GULP1: variants seen among roughly 807,000 people sequenced by gnomAD.
GULP1 encodes the protein PTB domain-containing engulfment adapter protein 1.
A neutral mutation model predicts 40.9 loss-of-function variants in GULP1; 19 were observed. That is an observed-to-expected ratio of 0.46 (90% CI 0.32 to 0.68). The LOEUF is 0.68. Among genes scored for constraint, GULP1 ranks in the 30% least tolerant of loss-of-function variants. The pLI is 0.03. For synonymous variants in GULP1, 119 were observed against 117.6 expected (o/e 1.01, Z -0.08); for missense variants, 312 against 362.2 (o/e 0.86, Z 1.12).
At chr2:188,487,393 G>C (rs1420084961) in intron 4 of GULP1, among the ~76,000 whole-genome samples, 1 of 151,996 alleles carries the variant, frequency 6.6e-6, no homozygotes, top group Non-Finnish European at 1.5e-5. Flanking sequence ...TTTGCATGAG[G>C]CAGCAGTAAA....
rs141799762 is a variant in GULP1, at chr2:188,296,515, A to G, written c.-172+4349A>G. 4.3e-3 allele frequency among the ~76,000 whole-genome samples: 662 copies of G among 152,200 alleles called. 5 individuals carry two copies. Among genetic ancestry groups the G allele is most frequent in the African/African-American group, 0.015 (625 of 41,556 alleles). On this transcript the variant is annotated intron_variant, in intron 1 of 11. Coordinates refer to ENST00000409830, the MANE Select transcript of GULP1 (RefSeq NM_016315.4). ...TAGTAAGTGTCAATTTTCTGTTTACATTGAAATGGTATAGTTATGGCGAAT... is the reference window on the plus strand; with the variant it reads ...TAGTAAGTGTCAATTTTCTGTTTACGTTGAAATGGTATAGTTATGGCGAAT...
intron 4 of GULP1, among the ~76,000 whole-genome samples, chr2:188,501,914 C>T (rs961306661): frequency 1.3e-4 from 19 of 151,950 alleles, no homozygotes; most frequent in African/African-American, 4.6e-4. Flanking sequence ...TGTCTCCCCT[C>T]CTCTCCCAGT....
chr2:188,463,830 G>C (rs937326433), intron 2 of GULP1, among the ~76,000 whole-genome samples: 1 of 151,786 alleles, frequency 6.6e-6, no homozygotes, highest in African/African-American at 2.4e-5. Flanking sequence ...GCATTTTTCA[G>C]CTCCAGAATT....
chr2:188,370,865 GTA>G lies in GULP1; in HGVS notation c.-171-12896_-171-12895del, dbSNP rs2047509539. Among the ~76,000 whole-genome samples the G allele has an allele frequency of 2.6e-5, 4 of 152,258 alleles. No individual in the cohort carries two copies. In the South Asian group the frequency reaches 8.3e-4, roughly 32 times the overall value. On this transcript the variant is annotated intron_variant, in intron 1 of 11. Transcript: ENST00000409830. ...GTGTTACTTCCCTTTAAGCATGTGT[GTA>G]TGTGTGTGTGTGTGATGATTGTTGG...
rs1447195935 is a variant in GULP1 at position 188,412,814 on chromosome 2, CACATATATTATTTAATGTA to C, written c.-45+28926_-45+28944del. ...CATGTGACACAGGAATAAAGTCAAT[CACATATATTATTTAATGTA>C]TGACTTAAAACCCCACTCTTTAGTG... On this transcript the variant is annotated intron_variant, in intron 2 of 11. Transcript: ENST00000409830. Among the ~76,000 whole-genome samples, 8 of 152,294 alleles carry C rather than the reference CACATATATTATTTAATGTA, an allele frequency of 5.3e-5. No individual in the cohort carries two copies. In the East Asian group the frequency reaches 1.4e-3, roughly 26 times the overall value.
intron 1 of GULP1, among the ~76,000 whole-genome samples, chr2:188,351,848 C>A (rs1164105801): frequency 2.6e-5 from 4 of 152,090 alleles, no homozygotes; most frequent in African/African-American, 9.7e-5. Flanking sequence ...TTCATTTATT[C>A]AGTAAATATT....
chr2:188,298,176 A>G (rs2035388947), intron 1 of GULP1, among the ~76,000 whole-genome samples: 1 of 152,166 alleles, frequency 6.6e-6, no homozygotes, highest in Admixed American at 6.5e-5. Flanking sequence ...TTGATGATCA[A>G]ACTCTCCTTT....
At chr2:188,330,857 T>C (rs1574465858) in intron 1 of GULP1, among the ~76,000 whole-genome samples, 1 of 152,266 alleles carries the variant, frequency 6.6e-6, no homozygotes, top group South Asian at 2.1e-4. Context: ...CGACAATGGG[T>C]CAGGTATGCC....
intron 2 of GULP1, among the ~76,000 whole-genome samples, chr2:188,445,276 C>G (rs2058286889): frequency 6.6e-6 from 1 of 150,400 alleles, no homozygotes; most frequent in African/African-American, 2.5e-5. Context: ...ATAGTAGAAA[C>G]AAATGAGGAA....
chr2:188,588,141 G>A (rs1702793211), intron 11 of GULP1, 192 bp downstream of exon 11: 1 of 586,296 alleles, frequency 1.7e-6, no homozygotes, highest in African/African-American at 1.9e-5. Context: ...GGATAAGGTT[G>A]TTGGTTTTTT....
At chr2:188,524,404 G>T (rs1685598924) in intron 5 of GULP1, among the ~76,000 whole-genome samples, 3 of 152,070 alleles carry the variant, frequency 2.0e-5, no homozygotes, top group Admixed American at 2.0e-4. Flanking sequence ...AAATTAGGTA[G>T]TATAGTTTAA....
At position 188,449,637 on chromosome 2, in the gene GULP1, C is replaced by G. The variant is rs182816073; in HGVS notation, c.-44-28022C>G. On this transcript the variant is annotated intron_variant, in intron 2 of 11. Transcript: ENST00000409830. ...TGATGAAGCTAAAAATTAAAATAGG[C>G]ATTTCTACTGTACGCTTTTCAAATG... Among the ~76,000 whole-genome samples, 7 of 152,262 alleles carry G rather than the reference C, an allele frequency of 4.6e-5. No individual in the cohort carries two copies. In the East Asian group the frequency reaches 1.4e-3, roughly 29 times the overall value.
intron 2 of GULP1, among the ~76,000 whole-genome samples, chr2:188,468,379 A>T (rs1287134973): frequency 6.6e-6 from 1 of 152,200 alleles, no homozygotes; most frequent in Non-Finnish European, 1.5e-5. Flanking sequence ...ATTATTTTTA[A>T]AATTGACATA....
intron 1 of GULP1, among the ~76,000 whole-genome samples, chr2:188,382,928 A>T (rs1309402731): frequency 6.6e-6 from 1 of 152,220 alleles, no homozygotes. Context: ...ATAATATTTG[A>T]GATCTATCTA....
chr2:188,552,818 A>G (rs1693803156), intron 7 of GULP1, among the ~76,000 whole-genome samples: 1 of 150,934 alleles, frequency 6.6e-6, no homozygotes, highest in South Asian at 2.1e-4. Context: ...TTCTCTCCTT[A>G]TAGAGAACTT....
At chr2:188,556,387 C>T (rs534589028) in intron 7 of GULP1, among the ~76,000 whole-genome samples, 5 of 152,162 alleles carry the variant, frequency 3.3e-5, no homozygotes, top group East Asian at 1.9e-4. Flanking sequence ...ATTTCTCTTT[C>T]GTTCTTCTAA....
At chr2:188,335,793 A>G (rs1015161853) in intron 1 of GULP1, among the ~76,000 whole-genome samples, 2 of 152,212 alleles carry the variant, frequency 1.3e-5, no homozygotes, top group African/African-American at 4.8e-5. Flanking sequence ...TGCAGTTAGC[A>G]TTAGGAGCTA....
intron 1 of GULP1, among the ~76,000 whole-genome samples, chr2:188,359,315 T>G (rs1268299476): frequency 6.6e-6 from 1 of 152,160 alleles, no homozygotes; most frequent in East Asian, 1.9e-4. Flanking sequence ...ATGTAGTCAC[T>G]GATAATTATT....
chr2:188,571,943 A>G (rs1224207956), intron 9 of GULP1, among the ~76,000 whole-genome samples: 1 of 152,226 alleles, frequency 6.6e-6, no homozygotes. Flanking sequence ...AAACCTGGTC[A>G]TTGTGTAACC....
Sources: gnomAD v4.1 joint callset for allele counts (sites outside exome capture counted in the v4.1 genomes callset) on GRCh38, gnomAD v4.1.1 for gene constraint, MANE v1.5 for transcripts, NCBI Gene and HGNC (gene_info 2026-07-23, HGNC 2026-07-21) for gene names.